CDH4: variants seen among roughly 807,000 people sequenced by gnomAD.
CDH4 encodes cadherin-4.
Under a neutral mutation model 86.0 loss-of-function variants are expected in CDH4, and 33 were observed. The observed-to-expected ratio is 0.38, with a 90% CI of 0.29 to 0.51. CDH4 has a LOEUF of 0.51. Ranked by LOEUF, CDH4 falls within the 20% of genes least tolerant of loss-of-function variation. CDH4 has a pLI of 0.86. For synonymous variants in CDH4, 555 were observed against 549.4 expected (o/e 1.01, Z -0.14); for missense variants, 1,114 against 1,307.4 (o/e 0.85, Z 2.28).
intron 2 of CDH4, among the ~76,000 whole-genome samples, chr20:61,535,098 CATGG>C (rs2085986843): frequency 6.6e-6 from 1 of 152,238 alleles, no homozygotes; most frequent in Non-Finnish European, 1.5e-5. Context: ...CTCCAAGGGG[CATGG>C]ATGGGTGGCG....
intron 5 of CDH4, among the ~76,000 whole-genome samples, chr20:61,852,121 C>T (rs562404797): frequency 1.3e-5 from 2 of 152,144 alleles, no homozygotes; most frequent in East Asian, 1.9e-4. Flanking sequence ...GGCCCTGCCT[C>T]TCCACGGATC....
intron 2 of CDH4, among the ~76,000 whole-genome samples, chr20:61,545,576 T>C (rs2086072180): frequency 6.6e-6 from 1 of 152,240 alleles, no homozygotes; most frequent in African/African-American, 2.4e-5. Flanking sequence ...ACGTGGACTT[T>C]TTTTTCATGA....
rs2088540472 is a variant in CDH4 at position 61,754,774 on chromosome 20, ACAC to A, written c.396+10989_396+10991del. 6.9e-6 allele frequency among the ~76,000 whole-genome samples: 1 copy of A among 145,376 alleles called. No homozygotes were observed. Among genetic ancestry groups the A allele is most frequent in the Non-Finnish European group, 1.5e-5 (1 of 66,780 alleles). ...ACCACACACACAGTGCATGCCACAC[ACAC>A]CACACACACACTGCACGCCACACAC... On this transcript the variant is annotated intron_variant, in intron 3 of 15. Coordinates refer to ENST00000614565, the MANE Select transcript of CDH4 (RefSeq NM_001794.5). This position sits in a 1 kb window ranked among gnomAD's most constrained non-coding sequence, Gnocchi z 4.7.
At position 61,663,218 on chromosome 20, in the gene CDH4, G is replaced by A. The variant is rs1316381601; in HGVS notation, c.170-80345G>A. 2.0e-5 allele frequency among the ~76,000 whole-genome samples: 3 copies of A among 152,240 alleles called. No individual in the cohort carries two copies. The highest frequency in any genetic ancestry group is 1.3e-4 in the Admixed American group (2 of 15,292). The stretch of plus-strand genomic sequence containing the variant: ...TGTGGACTGATGAGGTAAACGTTCT[G>A]TGACAAAGCCCCTGTCCCAGAGGAG... On this transcript the variant is annotated intron_variant, in intron 2 of 15. Transcript: ENST00000614565. The surrounding 1 kb of genome is among the most constrained non-coding windows in gnomAD (Gnocchi z 5.0).
chr20:61,616,959 T>G (rs528909943), intron 2 of CDH4, among the ~76,000 whole-genome samples: 265 of 152,072 alleles, frequency 1.7e-3, no homozygotes, highest in African/African-American at 5.9e-3. Flanking sequence ...CTGGACCGGG[T>G]GCTGTGCGAA....
At chr20:61,509,513 C>T (rs76569825) in intron 2 of CDH4, among the ~76,000 whole-genome samples, 5,321 of 148,438 alleles carry the variant, frequency 0.036, 144 homozygotes, top group Non-Finnish European at 0.051. Context: ...TAAGGGAAGC[C>T]GAGCATGTGA....
Position 61,937,099 on chromosome 20 carries a change from C to G in CDH4, c.*156C>G. On this transcript the variant is annotated 3_prime_UTR_variant, in exon 16 of 16. Transcript: ENST00000614565. ...CCCACGTTGAGCTGTCTAGCATGAG[C>G]ACCCACCCCCACAGCGCCCTGCACC... The G allele has an allele frequency of 1.9e-6, 1 of 531,250 alleles. No individual in the cohort carries two copies. Among genetic ancestry groups the G allele is most frequent in the Non-Finnish European group, 3.1e-6 (1 of 322,618 alleles). The allele number at this position is 531,250 out of a possible 1,614,324, so 32.9% of individuals were successfully genotyped here.
chr20:61,841,975 T>C (rs146993114), intron 4 of CDH4, among the ~76,000 whole-genome samples: 1,649 of 152,338 alleles, frequency 0.011, 14 homozygotes, highest in Admixed American at 0.035. Context: ...CTCCTGCACG[T>C]AGGAACAGCT....
intron 2 of CDH4, among the ~76,000 whole-genome samples, chr20:61,702,608 G>A (rs1442879563): frequency 6.6e-6 from 1 of 152,206 alleles, no homozygotes; most frequent in Admixed American, 6.5e-5. Flanking sequence ...GTTGAAGCAA[G>A]GTAAAGCGGT....
rs2088716641 is a variant in CDH4 at position 61,767,690 on chromosome 20, G to A, written c.397-5313G>A. Among the ~76,000 whole-genome samples, 3 of 152,300 alleles carry A rather than the reference G, an allele frequency of 2.0e-5. 1 individual carries two copies. Among genetic ancestry groups the A allele is most frequent in the Middle Eastern group, 3.4e-3 (1 of 294 alleles). On this transcript the variant is annotated intron_variant, in intron 3 of 15. Transcript: ENST00000614565. ...CTGAGAGTGCATCAGGGAGCCCAGT[G>A]GGGCTGAAGCAGGGCAGAGTCAAAG...
intron 4 of CDH4, among the ~76,000 whole-genome samples, chr20:61,801,783 C>T (rs1254220725): frequency 6.6e-6 from 1 of 152,228 alleles, no homozygotes. Context: ...ATCACCTTCT[C>T]CTCTGTAGTC....
chr20:61,847,588 CTG>C (rs1982516866), intron 5 of CDH4, among the ~76,000 whole-genome samples: 1 of 152,252 alleles, frequency 6.6e-6, no homozygotes, highest in Admixed American at 6.5e-5. Context: ...TGCAAACACG[CTG>C]TGTTAGCCCT....
intron 2 of CDH4, among the ~76,000 whole-genome samples, chr20:61,651,628 C>T (rs776171903): frequency 6.6e-6 from 1 of 152,194 alleles, no homozygotes; most frequent in Non-Finnish European, 1.5e-5. Flanking sequence ...GGCCCCACCT[C>T]GCAGGTGGCC....
chr20:61,814,577 A>C (rs1237573939), intron 4 of CDH4, among the ~76,000 whole-genome samples: 2 of 152,260 alleles, frequency 1.3e-5, no homozygotes, highest in South Asian at 4.1e-4. Flanking sequence ...TGCAGTGTGC[A>C]ATTAAGCTGC....
At chr20:61,485,420 T>G (rs937471398) in intron 2 of CDH4, among the ~76,000 whole-genome samples, 8 of 152,282 alleles carry the variant, frequency 5.3e-5, no homozygotes, top group African/African-American at 1.9e-4. Context: ...CTCCTTCCTC[T>G]GTGGATCCAA....
At chr20:61,409,650 T>C (rs2145489139) in intron 2 of CDH4, among the ~76,000 whole-genome samples, 2 of 152,370 alleles carry the variant, frequency 1.3e-5, no homozygotes, top group Middle Eastern at 6.8e-3. Flanking sequence ...CCGCTGCGTG[T>C]GACACAGGTT....
At chr20:61,873,556 G>A (rs541555435) in intron 6 of CDH4, among the ~76,000 whole-genome samples, 172 bp from the exon 7 acceptor site, 1 of 152,386 alleles carries the variant, frequency 6.6e-6, no homozygotes, top group South Asian at 2.1e-4. Flanking sequence ...TATAAGGTGG[G>A]GTGGAGGCGG....
At chr20:61,732,952 C>G (rs2145928021) in intron 2 of CDH4, among the ~76,000 whole-genome samples, 1 of 152,332 alleles carries the variant, frequency 6.6e-6, no homozygotes, top group East Asian at 1.9e-4. Flanking sequence ...GGAGCCCCTT[C>G]AGCACCGGCT....
intron 2 of CDH4, among the ~76,000 whole-genome samples, chr20:61,603,807 T>A (rs1424837116): frequency 1.3e-5 from 2 of 152,154 alleles, no homozygotes; most frequent in Non-Finnish European, 2.9e-5. Context: ...TCAATGCCTG[T>A]GACCTTTTGA....
Sources: allele counts gnomAD v4.1 joint callset (sites outside exome capture counted in the v4.1 genomes callset), GRCh38; gene constraint gnomAD v4.1.1; non-coding constraint Gnocchi (gnomAD v3.1); transcripts MANE v1.5; gene names NCBI Gene and HGNC (gene_info 2026-07-23, HGNC 2026-07-21).